Variants in CREB5 observed in about 807,000 individuals in gnomAD.
The protein encoded by CREB5 is cAMP responsive element binding protein 5.
CREB5 carries 19 observed loss-of-function variants against 57.1 expected under a neutral mutation model. The ratio of observed to expected loss-of-function variants is 0.33; its 90% CI spans 0.23 to 0.49. The LOEUF (loss-of-function observed/expected upper bound fraction) is 0.49, where lower values mean the gene tolerates loss of function less well. Ranked by LOEUF, CREB5 falls within the 20% of genes least tolerant of loss-of-function variation. The pLI, the probability that CREB5 is intolerant of heterozygous loss-of-function variation, is 0.99. For missense variants in CREB5, 579 were observed against 671.6 expected, an observed-to-expected ratio of 0.86 and a Z score of 1.52; for synonymous variants, 238 against 238.3, an observed-to-expected ratio of 1.00 and a Z score of 0.01.
At chr7:28,388,151 C>T (rs1787147792) in intron 1 of CREB5, among the ~76,000 whole-genome samples, 1 of 152,142 alleles carries the variant, frequency 6.6e-6, no homozygotes, top group African/African-American at 2.4e-5. Flanking sequence ...AGGTCACTAC[C>T]CATCTGAGTC....
chr7:28,505,217 CAT>C (rs1014284591), intron 3 of CREB5, among the ~76,000 whole-genome samples: 5 of 148,012 alleles, frequency 3.4e-5, no homozygotes, highest in African/African-American at 7.4e-5. Context: ...CACACACACA[CAT>C]GCACACACGC....
rs760275144 is a variant in CREB5, at chr7:28,795,988, A to C, written c.703-8211A>C. On this transcript the variant is annotated intron_variant, in intron 7 of 10. Transcript: ENST00000357727. ...CGCTAGTCTCAACCTCCTGACCTCA[A>C]GTGATCTGCCTGCCTTTACCTCCCA... Among the ~76,000 whole-genome samples the C allele has an allele frequency of 4.7e-4, 71 of 152,026 alleles. 1 individual carries two copies. The highest frequency in any genetic ancestry group is 9.8e-4 in the Admixed American group (15 of 15,268).
intron 5 of CREB5, among the ~76,000 whole-genome samples, chr7:28,577,423 A>C (rs1795947249): frequency 6.6e-6 from 1 of 152,250 alleles, no homozygotes; most frequent in African/African-American, 2.4e-5. Flanking sequence ...ATGAAGTCAG[A>C]GACACTTGAC....
At chr7:28,372,794 T>C (rs965593349) in intron 1 of CREB5, among the ~76,000 whole-genome samples, 3 of 152,212 alleles carry the variant, frequency 2.0e-5, no homozygotes, top group African/African-American at 7.2e-5. Context: ...GTGGAATAAA[T>C]GACTTTCCTA....
At chr7:28,541,477 G>C (rs1456931213) in intron 4 of CREB5, among the ~76,000 whole-genome samples, 1 of 152,094 alleles carries the variant, frequency 6.6e-6, no homozygotes, top group Non-Finnish European at 1.5e-5. Context: ...AGACCAGCCT[G>C]GCCAACATGG....
intron 8 of CREB5, among the ~76,000 whole-genome samples, chr7:28,808,344 A>G (rs908236374): frequency 2.0e-5 from 3 of 152,164 alleles, no homozygotes; most frequent in Non-Finnish European, 2.9e-5. Context: ...TTCTTTTCAT[A>G]GGAGTCACAG....
chr7:28,673,911 T>C (rs559873393), intron 5 of CREB5, among the ~76,000 whole-genome samples: 43 of 152,112 alleles, frequency 2.8e-4, no homozygotes, highest in African/African-American at 1.0e-3. Flanking sequence ...TGGACTCAAG[T>C]AATCTGCCCA....
chr7:28,380,076 T>C (rs1467555850), intron 1 of CREB5, among the ~76,000 whole-genome samples: 2 of 145,612 alleles, frequency 1.4e-5, no homozygotes, highest in South Asian at 2.2e-4. Context: ...TAACAAGCAA[T>C]GTAGGTGATT....
At chr7:28,330,112 A>G (rs1785685803) in intron 1 of CREB5, among the ~76,000 whole-genome samples, 1 of 152,194 alleles carries the variant, frequency 6.6e-6, no homozygotes, top group Non-Finnish European at 1.5e-5. Context: ...CAGGTTTCAA[A>G]GGACATCTGC....
chr7:28,785,139 A>G (rs1807242249), intron 7 of CREB5, among the ~76,000 whole-genome samples: 1 of 152,194 alleles, frequency 6.6e-6, no homozygotes, highest in Admixed American at 6.5e-5. Flanking sequence ...AACAGTCACC[A>G]TCAGGCTAAA....
At position 28,675,116 on chromosome 7, in the gene CREB5, G is replaced by A. The variant is rs370775865; in HGVS notation, c.465-43637G>A. Among the ~76,000 whole-genome samples, 6 of 152,248 alleles carry A rather than the reference G, an allele frequency of 3.9e-5. No individual in the cohort carries two copies. The East Asian group carries it at 9.7e-4, about 25-fold the overall frequency. ...CAGGTAAAATGTCATCTCTTTGGAGGGGAGTTGCCTAAATATTTGATCTAA... is the reference window on the plus strand; with the variant it reads ...CAGGTAAAATGTCATCTCTTTGGAGAGGAGTTGCCTAAATATTTGATCTAA... On this transcript the variant is annotated intron_variant, in intron 5 of 10. Coordinates refer to ENST00000357727, the MANE Select transcript of CREB5 (RefSeq NM_182898.4).
At chr7:28,378,351 G>A (rs1347741104) in intron 1 of CREB5, among the ~76,000 whole-genome samples, 2 of 151,688 alleles carry the variant, frequency 1.3e-5, no homozygotes, top group South Asian at 2.1e-4. Context: ...TAAATGACGA[G>A]TTAATGGGTG....
At chr7:28,422,543 G>T (rs1023920773) in intron 1 of CREB5, among the ~76,000 whole-genome samples, 1 of 152,088 alleles carries the variant, frequency 6.6e-6, no homozygotes, top group South Asian at 2.1e-4. Context: ...TTCATGAGAA[G>T]GTTCATGGAC....
chr7:28,323,153 C>T (rs1785521974), intron 1 of CREB5, among the ~76,000 whole-genome samples: 1 of 152,180 alleles, frequency 6.6e-6, no homozygotes, highest in African/African-American at 2.4e-5. Context: ...TTCATACCCT[C>T]CCCTCACCGA....
intron 5 of CREB5, among the ~76,000 whole-genome samples, chr7:28,631,543 T>C (rs1330458197): frequency 6.6e-6 from 1 of 152,160 alleles, no homozygotes; most frequent in African/African-American, 2.4e-5. Context: ...GAGATGCCAG[T>C]GCTGCCTTTT....
chr7:28,590,492 C>T (rs1796461821), intron 5 of CREB5, among the ~76,000 whole-genome samples: 1 of 127,872 alleles, frequency 7.8e-6, no homozygotes, highest in Non-Finnish European at 1.5e-5. Flanking sequence ...AACACTTGGA[C>T]ACAGGAAGGG....
intron 5 of CREB5, among the ~76,000 whole-genome samples, chr7:28,626,823 A>G (rs1242176559): frequency 6.6e-6 from 1 of 152,140 alleles, no homozygotes; most frequent in Admixed American, 6.5e-5. Flanking sequence ...GGTGTTCAGA[A>G]AGGGAGCCTA....
At chr7:28,618,176 A>C (rs1307477380) in intron 5 of CREB5, among the ~76,000 whole-genome samples, 2 of 152,168 alleles carry the variant, frequency 1.3e-5, no homozygotes, top group East Asian at 3.9e-4. Flanking sequence ...CTGAGGGTAC[A>C]CTGAGCCAGG....
chr7:28,492,436 A>G (rs1359498101), intron 2 of CREB5, among the ~76,000 whole-genome samples: 1 of 152,158 alleles, frequency 6.6e-6, no homozygotes, highest in African/African-American at 2.4e-5. Flanking sequence ...CACGTTCTGA[A>G]TTCCAGTGGC....
Sources: gnomAD v4.1 joint callset for allele counts (sites outside exome capture counted in the v4.1 genomes callset) on GRCh38, gnomAD v4.1.1 for gene constraint, MANE v1.5 for transcripts, NCBI Gene and HGNC (gene_info 2026-07-23, HGNC 2026-07-21) for gene names.